TOX: variants seen among roughly 807,000 people sequenced by gnomAD.
TOX encodes thymocyte selection-associated high mobility group box protein TOX.
TOX carries 11 observed loss-of-function variants against 53.7 expected under a neutral mutation model. The ratio of observed to expected loss-of-function variants is 0.20; its 90% confidence interval spans 0.13 to 0.34. The LOEUF is 0.34. Among genes scored for constraint, TOX ranks in the 10% least tolerant of loss-of-function variants. The probability of loss-of-function intolerance (pLI) is 1.00; values close to 1 mark genes in which losing one functional copy is unlikely to be tolerated. For missense variants in TOX, 570 were observed against 664.6 expected (o/e 0.86, Z 1.56); for synonymous variants, 225 against 245.3 (o/e 0.92, Z 0.77).
At chr8:59,022,126 A>C (rs563011478) in intron 1 of TOX, among the ~76,000 whole-genome samples, 1 of 152,328 alleles carries the variant, frequency 6.6e-6, no homozygotes. Context: ...GTGTTTATGA[A>C]CCATCATGAT....
intron 3 of TOX, among the ~76,000 whole-genome samples, chr8:58,869,483 A>G (rs1811162027): frequency 2.0e-5 from 3 of 152,140 alleles, no homozygotes; most frequent in African/African-American, 7.2e-5. Context: ...CCAATTCTCC[A>G]CAATATTTTC....
intron 1 of TOX, among the ~76,000 whole-genome samples, chr8:58,990,184 A>G (rs1813414463): frequency 6.6e-6 from 1 of 152,228 alleles, no homozygotes; most frequent in Non-Finnish European, 1.5e-5. Flanking sequence ...ACTGAGGCAC[A>G]GAGCAGGTAA....
At chr8:58,889,533 T>A (rs1263092972) in intron 3 of TOX, among the ~76,000 whole-genome samples, 4 of 152,052 alleles carry the variant, frequency 2.6e-5, no homozygotes, top group African/African-American at 7.2e-5. Flanking sequence ...AAGGTAAGAA[T>A]GGGATACTTT....
At chr8:58,826,553 C>T (rs1220433346) in intron 6 of TOX, among the ~76,000 whole-genome samples, 2 of 152,126 alleles carry the variant, frequency 1.3e-5, no homozygotes, top group Admixed American at 1.3e-4. Flanking sequence ...AAAGTTGGCT[C>T]AGGTTGAAGA....
intron 3 of TOX, among the ~76,000 whole-genome samples, chr8:58,902,174 C>T (rs1019230827): frequency 4.6e-5 from 7 of 151,926 alleles, no homozygotes; most frequent in African/African-American, 1.7e-4. Flanking sequence ...CTTTTCTTCC[C>T]CCTTTTTCCT....
At chr8:58,812,471 G>A (rs768594180) in intron 7 of TOX, among the ~76,000 whole-genome samples, 4 of 152,026 alleles carry the variant, frequency 2.6e-5, no homozygotes, top group African/African-American at 4.8e-5. Context: ...CTGTGGGAAC[G>A]TCCTCCACAC....
At chr8:58,963,789 T>C (rs1043951490) in intron 1 of TOX, among the ~76,000 whole-genome samples, 4 of 152,192 alleles carry the variant, frequency 2.6e-5, no homozygotes, top group Admixed American at 1.3e-4. Context: ...TTGATTCCAC[T>C]AGACTGGGAG....
intron 2 of TOX, among the ~76,000 whole-genome samples, chr8:58,952,873 A>G (rs547751735): frequency 6.6e-6 from 1 of 152,310 alleles, no homozygotes; most frequent in Admixed American, 6.5e-5. Context: ...ACAACATTTA[A>G]CCCATCAGCA....
intron 5 of TOX, among the ~76,000 whole-genome samples, chr8:58,828,520 T>C (rs1810400227): frequency 6.6e-6 from 1 of 152,084 alleles, no homozygotes; most frequent in African/African-American, 2.4e-5. Flanking sequence ...CAAGAAATCC[T>C]TTGGTTCAAG....
At chr8:59,015,726 A>G (rs1271183925) in intron 1 of TOX, among the ~76,000 whole-genome samples, 1 of 152,234 alleles carries the variant, frequency 6.6e-6, no homozygotes, top group East Asian at 1.9e-4. Flanking sequence ...CAAACAGTAT[A>G]AAGATGATTG....
intron 5 of TOX, among the ~76,000 whole-genome samples, chr8:58,834,871 C>A (rs1394803137): frequency 6.6e-6 from 1 of 152,126 alleles, no homozygotes; most frequent in East Asian, 1.9e-4. Context: ...GCAAGATCAT[C>A]TTTTAGGTTC....
intron 4 of TOX, among the ~76,000 whole-genome samples, chr8:58,845,380 T>C (rs1810705281): frequency 6.6e-6 from 1 of 152,190 alleles, no homozygotes; most frequent in African/African-American, 2.4e-5. Flanking sequence ...CTTTTTGTGA[T>C]GTTTCAGTGA....
chr8:58,996,282 A>C (rs1813560063), intron 1 of TOX, among the ~76,000 whole-genome samples: 1 of 152,226 alleles, frequency 6.6e-6, no homozygotes, highest in South Asian at 2.1e-4. Context: ...TGAGATCATG[A>C]AGTGACTAGG....
chr8:58,947,619 C>G (rs979001971), intron 2 of TOX, among the ~76,000 whole-genome samples: 18 of 152,086 alleles, frequency 1.2e-4, no homozygotes, highest in African/African-American at 3.4e-4. Flanking sequence ...AAAAAAGACA[C>G]AGTTTGTTAT....
intron 1 of TOX, among the ~76,000 whole-genome samples, chr8:59,067,963 G>T (rs1272314482): frequency 6.6e-6 from 1 of 152,206 alleles, no homozygotes; most frequent in African/African-American, 2.4e-5. Flanking sequence ...ATTACCATAT[G>T]TAGAAATAAG....
At chr8:58,964,060 T>A (rs1812848395) in intron 1 of TOX, among the ~76,000 whole-genome samples, 1 of 151,858 alleles carries the variant, frequency 6.6e-6, no homozygotes, top group African/African-American at 2.4e-5. Context: ...TAAGCACAGA[T>A]GCCCTTAAAG....
intron 1 of TOX, among the ~76,000 whole-genome samples, chr8:59,045,505 C>T (rs557174198): frequency 6.6e-6 from 1 of 152,286 alleles, no homozygotes; most frequent in East Asian, 1.9e-4. Flanking sequence ...CTATTTCCTT[C>T]CCGTGGTTGT....
At chr8:59,082,178 G>A (rs768139495) in intron 1 of TOX, among the ~76,000 whole-genome samples, 5 of 152,068 alleles carry the variant, frequency 3.3e-5, no homozygotes, top group Non-Finnish European at 7.4e-5. Context: ...TATTTGTCTG[G>A]TTTAGTTTTA....
chr8:59,073,989 T>C (rs551222715), intron 1 of TOX, among the ~76,000 whole-genome samples: 1 of 152,334 alleles, frequency 6.6e-6, no homozygotes, highest in South Asian at 2.1e-4. Flanking sequence ...TTTTCTTTTC[T>C]TAAAGCTTGC....
Sources: allele counts gnomAD v4.1 joint callset (sites outside exome capture counted in the v4.1 genomes callset), GRCh38; gene constraint gnomAD v4.1.1; transcripts MANE v1.5; gene names NCBI Gene and HGNC (gene_info 2026-07-23, HGNC 2026-07-21).